DCLK1: variants seen among roughly 807,000 people sequenced by gnomAD.
DCLK1 encodes the protein doublecortin like kinase 1.
Under a neutral mutation model 86.2 loss-of-function variants are expected in DCLK1, and 16 were observed. The observed-to-expected ratio is 0.19, with a 90% confidence interval of 0.13 to 0.28. The LOEUF is 0.28. DCLK1 is among the 10% of genes least tolerant of loss of function. DCLK1 has a pLI of 1.00. For synonymous variants in DCLK1, 369 were observed against 370.5 expected (o/e 1.00, Z 0.05); for missense variants, 590 against 940.2 (o/e 0.63, Z 4.87).
chr13:35,867,909 AAAAG>A (rs34489580), intron 5 of DCLK1, among the ~76,000 whole-genome samples: 3,723 of 102,354 alleles, frequency 0.036, 71 homozygotes, highest in Admixed American at 0.05. Context: ...GAAAGAAAGA[AAAAG>A]AAAGAAAGAA....
chr13:35,860,448 A>AT (rs1284175596), intron 5 of DCLK1, among the ~76,000 whole-genome samples: 1 of 151,908 alleles, frequency 6.6e-6, no homozygotes, highest in East Asian at 1.9e-4. Context: ...TGGAGCTCTG[A>AT]TTTTCTCCAT....
chr13:36,081,323 T>G (rs1227589967), intron 3 of DCLK1, among the ~76,000 whole-genome samples: 1 of 152,132 alleles, frequency 6.6e-6, no homozygotes, highest in Non-Finnish European at 1.5e-5. Context: ...AATGTGAAGT[T>G]TGAAGACAGA....
chr13:35,913,039 C>T (rs1243797742), intron 4 of DCLK1, among the ~76,000 whole-genome samples: 2 of 152,180 alleles, frequency 1.3e-5, no homozygotes, highest in Non-Finnish European at 2.9e-5. Context: ...AATGGGGCAC[C>T]TCCGTCGCAA....
At position 35,814,455 on chromosome 13, in the gene DCLK1, G is replaced by A. The variant is rs79072483; in HGVS notation, c.1555-3487C>T. ...TCTCTGGATTGACTTGTTACTTGGC[G>A]TTCCTCCTTATTCTGACCATCTTTC... On this transcript the variant is annotated intron_variant, in intron 11 of 16. Transcript: ENST00000360631. Among the ~76,000 whole-genome samples, 573 of 152,290 alleles carry A rather than the reference G, an allele frequency of 3.8e-3. 5 individuals carry two copies. Among genetic ancestry groups the A allele is most frequent in the East Asian group, 0.023 (121 of 5,182 alleles).
intron 3 of DCLK1, among the ~76,000 whole-genome samples, chr13:35,958,738 C>T (rs1024042429): frequency 6.6e-6 from 1 of 152,148 alleles, no homozygotes; most frequent in Admixed American, 6.5e-5. Context: ...ACAAATGCAA[C>T]CTAGAATTCT....
chr13:35,987,943 A>G (rs936337336), intron 3 of DCLK1, among the ~76,000 whole-genome samples: 3 of 152,182 alleles, frequency 2.0e-5, no homozygotes, highest in African/African-American at 7.2e-5. Context: ...AGGGACAAGG[A>G]GCAGCCCATC....
At chr13:35,937,749 A>G (rs1555351415) in intron 4 of DCLK1, among the ~76,000 whole-genome samples, 1 of 152,212 alleles carries the variant, frequency 6.6e-6, no homozygotes, top group Non-Finnish European at 1.5e-5. Context: ...ATAAAACCCC[A>G]TAATTCTTGT....
At chr13:36,092,483 CTTTT>C (rs71084405) in intron 3 of DCLK1, among the ~76,000 whole-genome samples, 58 of 84,960 alleles carry the variant, frequency 6.8e-4, no homozygotes, top group African/African-American at 2.2e-3. Context: ...GAGGCGTTTT[CTTTT>C]TTTTTTTTTT....
At position 35,772,923 on chromosome 13, in the gene DCLK1, T is replaced by G. The variant is rs1172893330; in HGVS notation, c.*1612A>C. On this transcript the variant is annotated 3_prime_UTR_variant, in exon 17 of 17. Coordinates refer to ENST00000360631, the MANE Select transcript of DCLK1 (RefSeq NM_001330071.2). The stretch of plus-strand genomic sequence containing the variant: ...ACGTTGTTCACAAATTTTAAGACTC[T>G]CAGGTATTAAAGTATATTCAAAACA... 1.3e-5 allele frequency: 2 copies of G among 152,200 alleles called. No homozygotes were observed. The highest frequency in any genetic ancestry group is 2.9e-5 in the Non-Finnish European group (2 of 68,034). The allele number at this position is 152,200 out of a possible 1,614,324, so 9.4% of individuals were successfully genotyped here. A position where few individuals can be genotyped will look rare whatever the true frequency, so the allele number is the denominator to read the frequency against.
intron 4 of DCLK1, among the ~76,000 whole-genome samples, chr13:35,942,167 A>ATTTTT (rs548716235): frequency 6.7e-6 from 1 of 148,354 alleles, no homozygotes. Flanking sequence ...TCTAAAGGAC[A>ATTTTT]TTTTTTTTTT....
intron 3 of DCLK1, among the ~76,000 whole-genome samples, chr13:35,981,867 C>A (rs1348456225): frequency 6.6e-6 from 1 of 152,176 alleles, no homozygotes; most frequent in African/African-American, 2.4e-5. Flanking sequence ...AACTGTCACC[C>A]TCTTTTCCAT....
intron 5 of DCLK1, among the ~76,000 whole-genome samples, chr13:35,867,096 G>C (rs1307212696): frequency 6.6e-6 from 1 of 152,206 alleles, no homozygotes; most frequent in African/African-American, 2.4e-5. Context: ...ATTTGTGACT[G>C]GGAGTTGACT....
At chr13:35,787,524 T>A (rs574313087) in intron 16 of DCLK1, among the ~76,000 whole-genome samples, 2 of 152,216 alleles carry the variant, frequency 1.3e-5, no homozygotes, top group Admixed American at 1.3e-4. Flanking sequence ...AAAAAATCGA[T>A]ACCTCCCATA....
At chr13:35,851,306 C>T (rs906050401) in intron 6 of DCLK1, among the ~76,000 whole-genome samples, 6 of 152,122 alleles carry the variant, frequency 3.9e-5, no homozygotes, top group Admixed American at 1.3e-4. Context: ...ATTAACCCAC[C>T]TCACCCCAAA....
intron 3 of DCLK1, 64 bp downstream of exon 3, chr13:36,111,805 G>A (rs1303933873): frequency 9.5e-6 from 14 of 1,471,296 alleles, no homozygotes; most frequent in African/African-American, 5.6e-5. Context: ...CTTTAGCCAC[G>A]TACACCCTCC....
intron 3 of DCLK1, among the ~76,000 whole-genome samples, chr13:35,977,326 C>T (rs560711572): frequency 5.9e-5 from 9 of 152,254 alleles, no homozygotes; most frequent in African/African-American, 2.2e-4. Context: ...CATTTCTGCG[C>T]TCCTTCCTTG....
At chr13:36,075,076 C>T (rs1413255656) in intron 3 of DCLK1, among the ~76,000 whole-genome samples, 2 of 152,198 alleles carry the variant, frequency 1.3e-5, no homozygotes, top group African/African-American at 4.8e-5. Context: ...ACATTACTCC[C>T]TGACCTCCAC....
chr13:36,109,394 A>G (rs1247534554), intron 3 of DCLK1, among the ~76,000 whole-genome samples: 1 of 152,218 alleles, frequency 6.6e-6, no homozygotes, highest in Non-Finnish European at 1.5e-5. Context: ...AACATAATCT[A>G]AAGTGGTACA....
chr13:35,769,575 G>T lies in DCLK1; in HGVS notation c.*4960C>A, dbSNP rs2086293219. On this transcript the variant is annotated 3_prime_UTR_variant, in exon 17 of 17. Transcript: ENST00000360631. ...TAATGTCAATGGCAAGTGAGAAATTGTCCCTAGAGAACTATTCAAGGACTT... is the reference window on the plus strand; with the variant it reads ...TAATGTCAATGGCAAGTGAGAAATTTTCCCTAGAGAACTATTCAAGGACTT... 6.6e-6 allele frequency: 1 copy of T among 152,140 alleles called. No homozygotes were observed. The highest frequency in any genetic ancestry group is 1.5e-5 in the Non-Finnish European group (1 of 68,032). The allele number at this position is 152,140 out of a possible 1,614,324, so 9.4% of individuals were successfully genotyped here.
Sources: allele counts gnomAD v4.1 joint callset (sites outside exome capture counted in the v4.1 genomes callset), GRCh38; gene constraint gnomAD v4.1.1; transcripts MANE v1.5; gene names NCBI Gene and HGNC (gene_info 2026-07-23, HGNC 2026-07-21).